The following CDH4 variants were observed in gnomAD, a reference collection of about 807,000 sequenced individuals.
The protein encoded by CDH4 is cadherin-4.
A neutral mutation model predicts 86.0 loss-of-function variants in CDH4; 33 were observed. The observed-to-expected ratio is 0.38, with a 90% CI of 0.29 to 0.51. The LOEUF (loss-of-function observed/expected upper bound fraction) is 0.51. Among genes scored for constraint, CDH4 ranks in the 20% least tolerant of loss-of-function variants. The pLI, the probability that CDH4 is intolerant of heterozygous loss-of-function variation, is 0.86. For synonymous variants in CDH4, 555 were observed against 549.4 expected, an observed-to-expected ratio of 1.01 and a Z score of -0.14; for missense variants, 1,114 against 1,307.4, an observed-to-expected ratio of 0.85 and a Z score of 2.28.
chr20:61,366,280 G>C (rs978083124), intron 2 of CDH4, among the ~76,000 whole-genome samples: 41 of 152,344 alleles, frequency 2.7e-4, no homozygotes, highest in African/African-American at 9.4e-4. Context: ...TCTAAGACGA[G>C]ATTTCTGTCT....
intron 2 of CDH4, among the ~76,000 whole-genome samples, chr20:61,643,327 C>T (rs971119016): frequency 6.6e-6 from 1 of 152,226 alleles, no homozygotes; most frequent in Admixed American, 6.5e-5. Flanking sequence ...CATGACTCAG[C>T]TACCTCTTAA....
At chr20:61,438,428 A>AGAG (rs1219449059) in intron 2 of CDH4, among the ~76,000 whole-genome samples, 1 of 152,208 alleles carries the variant, frequency 6.6e-6, no homozygotes, top group Non-Finnish European at 1.5e-5. Context: ...GTTCTCCTTG[A>AGAG]GAGGACCTCG....
intron 7 of CDH4, among the ~76,000 whole-genome samples, chr20:61,876,264 G>A (rs993137243): frequency 6.6e-6 from 1 of 152,252 alleles, no homozygotes; most frequent in South Asian, 2.1e-4. Context: ...AGCTCCTGGT[G>A]TGTGACGGGG....
intron 5 of CDH4, among the ~76,000 whole-genome samples, chr20:61,850,088 G>A (rs1402634327): frequency 6.6e-6 from 1 of 152,156 alleles, no homozygotes; most frequent in Non-Finnish European, 1.5e-5. Flanking sequence ...CGCACAACAC[G>A]CACAAGTGCT....
Position 61,842,918 on chromosome 20 carries a change from G to A in CDH4, c.577-1750G>A, listed in dbSNP as rs541957637. ...CTGGGCTTCACTGTATAACAGTCGC[G>A]TTGTTATATTATTATTAAACAAAAG... On this transcript the variant is annotated intron_variant, in intron 4 of 15. Coordinates refer to ENST00000614565, the MANE Select transcript of CDH4 (RefSeq NM_001794.5). Among the ~76,000 whole-genome samples the A allele has an allele frequency of 7.2e-5, 11 of 152,260 alleles. No homozygotes were observed. In the South Asian group the frequency reaches 1.2e-3, roughly 17 times the overall value.
chr20:61,802,130 A>T (rs1979860767), intron 4 of CDH4, among the ~76,000 whole-genome samples: 1 of 152,214 alleles, frequency 6.6e-6, no homozygotes, highest in Non-Finnish European at 1.5e-5. Flanking sequence ...GATGCCAAAG[A>T]CAGCTGCATT....
chr20:61,640,048 A>G (rs2086988824), intron 2 of CDH4, among the ~76,000 whole-genome samples: 1 of 152,218 alleles, frequency 6.6e-6, no homozygotes, highest in African/African-American at 2.4e-5. Flanking sequence ...CTGATGGGAA[A>G]AAGAAAGCCA....
intron 4 of CDH4, among the ~76,000 whole-genome samples, chr20:61,825,313 G>A (rs1350860749): frequency 6.6e-6 from 1 of 152,140 alleles, no homozygotes; most frequent in Non-Finnish European, 1.5e-5. Context: ...GGAAGCTGAG[G>A]CACGAGAATT....
intron 5 of CDH4, 111 bp downstream of exon 5, chr20:61,844,934 G>A: frequency 8.9e-7 from 1 of 1,119,538 alleles, no homozygotes; most frequent in Non-Finnish European, 1.2e-6. Flanking sequence ...TCTACAGGCA[G>A]CACTCCAACT....
At chr20:61,875,668 G>A (rs1983991258) in intron 7 of CDH4, among the ~76,000 whole-genome samples, 1 of 152,216 alleles carries the variant, frequency 6.6e-6, no homozygotes, top group African/African-American at 2.4e-5. Flanking sequence ...CCTCAGGACT[G>A]CAGGATCCGC....
At chr20:61,589,375 T>A (rs183214067) in intron 2 of CDH4, among the ~76,000 whole-genome samples, 4 of 152,376 alleles carry the variant, frequency 2.6e-5, no homozygotes, top group Admixed American at 2.0e-4. Flanking sequence ...CTTCTTGGTC[T>A]GAATTTTAAA....
intron 4 of CDH4, among the ~76,000 whole-genome samples, chr20:61,793,854 A>AG (rs764654003): frequency 1.5e-4 from 20 of 129,482 alleles, no homozygotes; most frequent in South Asian, 5.1e-4. Flanking sequence ...AAAAAAAAAA[A>AG]GAGGCCAGGT....
chr20:61,802,461 C>T (rs528768549), intron 4 of CDH4, among the ~76,000 whole-genome samples: 78 of 152,304 alleles, frequency 5.1e-4, no homozygotes, highest in Admixed American at 5.0e-3. Flanking sequence ...GGGGGTGGCC[C>T]CATCGTCCCT....
chr20:61,549,229 G>T (rs564796022), intron 2 of CDH4, among the ~76,000 whole-genome samples: 1 of 152,166 alleles, frequency 6.6e-6, no homozygotes, highest in Non-Finnish European at 1.5e-5. Flanking sequence ...AGCAATTGGC[G>T]TGAAATACGC....
chr20:61,300,985 T>C (rs951417032), intron 2 of CDH4, among the ~76,000 whole-genome samples: 5 of 152,102 alleles, frequency 3.3e-5, no homozygotes, highest in African/African-American at 9.7e-5. Flanking sequence ...CCTCCTCACA[T>C]GAGCTGCTGG....
intron 2 of CDH4, among the ~76,000 whole-genome samples, chr20:61,713,093 T>C (rs765267618): frequency 1.3e-4 from 20 of 152,210 alleles, no homozygotes; most frequent in Non-Finnish European, 2.8e-4. Context: ...TCTTCCCATC[T>C]TGACATTTCA....
intron 2 of CDH4, among the ~76,000 whole-genome samples, chr20:61,528,463 G>GGGGGGGAAGGGAGGGGAGGGGGGT (rs2085928423): frequency 3.1e-5 from 3 of 96,866 alleles, no homozygotes; most frequent in African/African-American, 8.0e-5. Flanking sequence ...GAGGGGGAGA[G>GGGGGGGAAGGGAGGGGAGGGGGGT]GGAGGGGGAG....
In CDH4 at chr20:61,493,332, T is replaced by A. The variant is rs544568252; in HGVS notation, c.169+238395T>A. On this transcript the variant is annotated intron_variant, in intron 2 of 15. Coordinates refer to ENST00000614565, the MANE Select transcript of CDH4 (RefSeq NM_001794.5). ...CTATGCCCTGCTTGGCCTAGAGATCTGTTTGGCTTCTCCTGGACAATGCCC... is the reference window on the plus strand; with the variant it reads ...CTATGCCCTGCTTGGCCTAGAGATCAGTTTGGCTTCTCCTGGACAATGCCC... Among the ~76,000 whole-genome samples, 15 of 152,304 alleles carry A rather than the reference T, an allele frequency of 9.8e-5. No individual in the cohort carries two copies. The South Asian group carries it at 3.1e-3, about 32-fold the overall frequency.
At chr20:61,606,868 CCTCCAGACCAG>C (rs2086649769) in intron 2 of CDH4, among the ~76,000 whole-genome samples, 1 of 152,250 alleles carries the variant, frequency 6.6e-6, no homozygotes, top group African/African-American at 2.4e-5. Flanking sequence ...GACACTGTCC[CCTCCAGACCAG>C]CTCCAGGCTA....
Sources: allele counts gnomAD v4.1 joint callset (sites outside exome capture counted in the v4.1 genomes callset), GRCh38; gene constraint gnomAD v4.1.1; transcripts MANE v1.5; gene names NCBI Gene and HGNC (gene_info 2026-07-23, HGNC 2026-07-21).